PRDM14: variants seen among roughly 807,000 people sequenced by gnomAD.
PRDM14 encodes PR domain zinc finger protein 14.
Under a neutral mutation model 48.0 loss-of-function variants are expected in PRDM14, and 16 were observed. The ratio of observed to expected loss-of-function variants is 0.33; its 90% CI spans 0.23 to 0.51. The LOEUF is 0.51. Among genes scored for constraint, PRDM14 ranks in the 20% least tolerant of loss-of-function variants. PRDM14 has a pLI of 0.97. For synonymous variants in PRDM14, 264 were observed against 276.6 expected (o/e 0.95, Z 0.45); for missense variants, 566 against 719.6 (o/e 0.79, Z 2.44).
intron 7 of PRDM14, among the ~76,000 whole-genome samples, chr8:70,052,824 C>T (rs1805409008): frequency 7.4e-6 from 1 of 135,952 alleles, no homozygotes; most frequent in Non-Finnish European, 1.5e-5. Flanking sequence ...GTTATTGCAC[C>T]ACTGTACTCC....
Position 70,069,307 on chromosome 8 carries a change from G to A in PRDM14, c.554C>T (p.Ser185Phe). 2 of 1,611,624 alleles carry A rather than the reference G, an allele frequency of 1.2e-6. No homozygotes were observed. Among genetic ancestry groups the A allele is most frequent in the South Asian group, 1.1e-5 (1 of 90,532 alleles). Residue 185 changes from serine to phenylalanine, a missense_variant, in exon 2 of 8, where the codon TCC becomes TTC. Coordinates refer to ENST00000276594, the MANE Select transcript of PRDM14 (RefSeq NM_024504.4). ...AGCAGGGGACTTCCCTTCTTGGTTG[G>A]AGGGTTTGGGACCATCCTCTGACTG... is the stretch of plus-strand genomic sequence containing the variant. The part of the protein sequence containing the change: ...SKQSEDGPKP[S>F]NQEGKSPARF...
intron 5 of PRDM14, among the ~76,000 whole-genome samples, chr8:70,061,794 C>T (rs186301199): frequency 2.6e-4 from 39 of 152,180 alleles, no homozygotes; most frequent in African/African-American, 8.9e-4. Flanking sequence ...TTATCTTGTT[C>T]CCTATCCTCC....
intron 4 of PRDM14, among the ~76,000 whole-genome samples, chr8:70,066,746 G>C (rs1469540897): frequency 6.6e-6 from 1 of 152,004 alleles, no homozygotes; most frequent in Non-Finnish European, 1.5e-5. Context: ...TTTTTTCAGA[G>C]ACAGAGTCTC....
In PRDM14 at chr8:70,051,797, G is replaced by C. The variant is rs1328411365; in HGVS notation, c.*280C>G. The C allele has an allele frequency of 1.3e-5, 3 of 226,250 alleles. No individual in the cohort carries two copies. Among genetic ancestry groups the C allele is most frequent in the Non-Finnish European group, 2.3e-5 (3 of 131,506 alleles). 14.0% of individuals were successfully genotyped at this position (226,250 alleles called of 1,614,324 possible). A position where few individuals can be genotyped will look rare whatever the true frequency, so the allele number is the denominator to read the frequency against. On this transcript the variant is annotated 3_prime_UTR_variant, in exon 8 of 8. Transcript: ENST00000276594. ...TTTGTTTTGTTTTGTTTTGAGACAG[G>C]GTCTGGTTCTGTCACCCAGGTTGAA...
chr8:70,061,278 G>A lies in PRDM14; in HGVS notation c.1184-2436C>T, dbSNP rs1805577454. 2.0e-5 allele frequency among the ~76,000 whole-genome samples: 3 copies of A among 152,210 alleles called. No homozygotes were observed. The South Asian group carries it at 6.2e-4, about 31-fold the overall frequency. On this transcript the variant is annotated intron_variant, in intron 5 of 7. Transcript: ENST00000276594. ...TGGCTTTGACTATGAATGCACCACA[G>A]AGATCTCATTGTTTGACCCCAGGGA...
In PRDM14 at chr8:70,052,121, G is replaced by C; in HGVS notation, c.1672C>G (p.Gln558Glu). 1 of 1,612,424 alleles carries C rather than the reference G, an allele frequency of 6.2e-7. No individual in the cohort carries two copies. The highest frequency in any genetic ancestry group is 8.5e-7 in the Non-Finnish European group (1 of 1,179,672). The change falls in exon 8 of 8, where the codon CAA (glutamine) becomes GAA (glutamate). Residue 558 changes from glutamine (Q) to glutamate (E), a missense_variant. Transcript: ENST00000276594. ...CSICGKIFSD[Q>E]ETFYSHMKFH... is the part of the protein sequence containing the mutation. ...TTCATGTGGGAGTAGAATGTTTCTT[G>C]ATCTGAGAAGATTTTCCCACAGATG... is the stretch of plus-strand genomic sequence containing the variant.
intron 3 of PRDM14, 35 bp downstream of exon 3, chr8:70,068,444 C>T (rs759869604): frequency 1.9e-6 from 3 of 1,613,982 alleles, no homozygotes; most frequent in Admixed American, 1.7e-5. Context: ...TGCATTAGTT[C>T]AGGGAAAGAA....
chr8:70,066,218 C>T lies in PRDM14; in HGVS notation c.1183+17G>A, dbSNP rs1443155038. The T allele has an allele frequency of 5.0e-6, 8 of 1,609,234 alleles. No individual in the cohort carries two copies. Among genetic ancestry groups the T allele is most frequent in the African/African-American group, 2.7e-5 (2 of 74,746 alleles). On this transcript the variant is annotated intron_variant, in intron 5 of 7. Transcript: ENST00000276594. ...ACTGGGATGCCCTCATTGGGCAAGG[C>T]GAGGGTGTGCACTCACCTTCAGAGG...
At position 70,062,352 on chromosome 8, in the gene PRDM14, T is replaced by C. The variant is rs1805598570; in HGVS notation, c.1184-3510A>G. On this transcript the variant is annotated intron_variant, in intron 5 of 7. Transcript: ENST00000276594. The stretch of plus-strand genomic sequence containing the variant: ...GTTGAGTATCCTTTTTCTGAAATGC[T>C]TGGGACCAGAAGTGTTTTGGATTTC... 3.3e-5 allele frequency among the ~76,000 whole-genome samples: 5 copies of C among 152,354 alleles called. No homozygotes were observed. In the South Asian group the frequency reaches 1.0e-3, roughly 32 times the overall value.
chr8:70,060,426 T>A (rs1451394058), intron 5 of PRDM14, among the ~76,000 whole-genome samples: 1 of 150,866 alleles, frequency 6.6e-6, no homozygotes, highest in Non-Finnish European at 1.5e-5. Flanking sequence ...ATAACCATAA[T>A]GTCATTGTCA....
rs1304816753 is a variant in PRDM14, at chr8:70,069,661, G to C, written c.200C>G (p.Pro67Arg). Residue 67 changes from proline to arginine, a missense_variant, in exon 2 of 8, where the codon CCC (proline) becomes CGC (arginine). Around this residue, in one of 3 missense-constraint regions of PRDM14, gnomAD observed 410 missense variants for 424.6 expected, o/e 0.97. Coordinates refer to ENST00000276594, the MANE Select transcript of PRDM14 (RefSeq NM_024504.4). The part of the protein sequence containing the change: ...EAAASAAPAM[P>R]PFPFRMAPPL... The stretch of plus-strand genomic sequence containing the variant: ...AGGCGCCATCCGGAAGGGGAAGGGG[G>C]GCATGGCGGGGGCAGCAGACGCTGC... 6.4e-7 allele frequency: 1 copy of C among 1,565,356 alleles called. No individual in the cohort carries two copies. Among genetic ancestry groups the C allele is most frequent in the Non-Finnish European group, 8.7e-7 (1 of 1,155,288 alleles).
At position 70,052,263 on chromosome 8, in the gene PRDM14, C is replaced by T. The variant is rs77167289; in HGVS notation, c.1530G>A (p.Gln510=). Residue 510 remains glutamine (Q), a synonymous_variant, in exon 8 of 8, where the codon CAG becomes CAA. Transcript: ENST00000276594. Reference sequence around the variant, plus strand: ...ATTTGAAGGGCTTCTCCCCGGAGTGCTGCCTGATGTGTGTGCGGAGTATGC... The same window carrying T: ...ATTTGAAGGGCTTCTCCCCGGAGTGTTGCCTGATGTGTGTGCGGAGTATGC... ...ASSILRTHIR[Q]HSGEKPFKCK... 1.9e-4 allele frequency: 299 copies of T among 1,614,164 alleles called. No individual in the cohort carries two copies. In the African/African-American group the frequency reaches 3.4e-3, roughly 18 times the overall value.
intron 4 of PRDM14, among the ~76,000 whole-genome samples, chr8:70,067,813 T>A (rs1408609673): frequency 2.0e-5 from 3 of 151,990 alleles, no homozygotes; most frequent in African/African-American, 4.8e-5. Context: ...TCTTGAAGAG[T>A]ATCTGGTTAT....
chr8:70,056,955 T>C (rs115485560), intron 6 of PRDM14, among the ~76,000 whole-genome samples: 172 of 147,822 alleles, frequency 1.2e-3, no homozygotes, highest in African/African-American at 4.0e-3. Flanking sequence ...TTGACAGCCC[T>C]CCAGTTTCTT....
At chr8:70,059,394 C>A (rs1391255551) in intron 5 of PRDM14, among the ~76,000 whole-genome samples, 1 of 151,858 alleles carries the variant, frequency 6.6e-6, no homozygotes, top group African/African-American at 2.4e-5. Flanking sequence ...GCCTCAGCCT[C>A]CCAAGTAGCT....
intron 5 of PRDM14, among the ~76,000 whole-genome samples, chr8:70,064,523 CTTTTT>C: frequency 7.3e-6 from 1 of 136,154 alleles, no homozygotes; most frequent in East Asian, 2.1e-4. Context: ...ATGCAATTTA[CTTTTT>C]TTTTTTTTTT....
At chr8:70,062,026 T>G (rs1035495531) in intron 5 of PRDM14, among the ~76,000 whole-genome samples, 2 of 152,256 alleles carry the variant, frequency 1.3e-5, no homozygotes, top group Admixed American at 1.3e-4. Context: ...CAATGGAATT[T>G]TAATTTTTCT....
chr8:70,057,578 C>T (rs994668607), intron 6 of PRDM14, among the ~76,000 whole-genome samples: 1 of 152,128 alleles, frequency 6.6e-6, no homozygotes, highest in Non-Finnish European at 1.5e-5. Context: ...GTGATCTGCC[C>T]ACCTCAGCCT....
In PRDM14 at chr8:70,052,015, C is replaced by T; in HGVS notation, c.*62G>A. ...TCTCGAACTCCTGGACTTGAGTGAT[C>T]CACCCACCTCTGCCTCCCAAAGTGC... On this transcript the variant is annotated 3_prime_UTR_variant, in exon 8 of 8. Transcript: ENST00000276594. 8.5e-7 allele frequency: 1 copy of T among 1,172,906 alleles called. No homozygotes were observed. The allele number at this position is 1,172,906 out of a possible 1,614,324, so 72.7% of individuals were successfully genotyped here. A position where few individuals can be genotyped will look rare whatever the true frequency, so the allele number is the denominator to read the frequency against.
Sources: gnomAD v4.1 joint callset for allele counts (sites outside exome capture counted in the v4.1 genomes callset) on GRCh38, gnomAD v4.1.1 for gene constraint, gnomAD v4.1.1 regional missense constraint, MANE v1.5 for transcripts, NCBI Gene and HGNC (gene_info 2026-07-23, HGNC 2026-07-21) for gene names.